The following MTUS2 variants were observed in gnomAD, a reference collection of about 807,000 sequenced individuals.
The protein encoded by MTUS2 is microtubule associated scaffold protein 2, also known as microtubule-associated tumor suppressor candidate 2.
MTUS2 carries 40 observed loss-of-function variants against 114.1 expected under a neutral mutation model. That is an observed-to-expected ratio of 0.35 (90% confidence interval 0.27 to 0.46). The LOEUF (loss-of-function observed/expected upper bound fraction) is 0.46. Among genes scored for constraint, MTUS2 ranks in the 20% least tolerant of loss-of-function variants. MTUS2 has a pLI of 1.00. For missense variants in MTUS2, 1,679 were observed against 1,705.4 expected (o/e 0.98, Z 0.27); for synonymous variants, 688 against 672.0 (o/e 1.02, Z -0.37).
intron 2 of MTUS2, among the ~76,000 whole-genome samples, chr13:28,929,000 C>T (rs1260477819): frequency 6.6e-6 from 1 of 152,174 alleles, no homozygotes; most frequent in African/African-American, 2.4e-5. Flanking sequence ...GAAACAAATC[C>T]TGTTATTTGT....
intron 5 of MTUS2, among the ~76,000 whole-genome samples, chr13:29,152,320 A>G (rs1892693140): frequency 6.6e-6 from 1 of 152,210 alleles, no homozygotes; most frequent in South Asian, 2.1e-4. Flanking sequence ...TAATATGTGG[A>G]GTAAAACTAC....
intron 10 of MTUS2, among the ~76,000 whole-genome samples, chr13:29,483,569 G>T (rs1029040414): frequency 1.6e-4 from 24 of 152,198 alleles, no homozygotes; most frequent in African/African-American, 5.5e-4. Flanking sequence ...GGGAATTTCT[G>T]TGTACAGCCA....
At chr13:29,007,993 T>C (rs1885673733) in intron 2 of MTUS2, among the ~76,000 whole-genome samples, 1 of 152,198 alleles carries the variant, frequency 6.6e-6, no homozygotes. Flanking sequence ...GATATTCTTA[T>C]TAGTGTACCA....
At chr13:28,904,156 A>AT (rs1879828857) in intron 2 of MTUS2, among the ~76,000 whole-genome samples, 1 of 152,112 alleles carries the variant, frequency 6.6e-6, no homozygotes, top group South Asian at 2.1e-4. Flanking sequence ...GATTCTGGAT[A>AT]TTAGCCCTTT....
At chr13:28,987,185 A>G (rs1884625981) in intron 2 of MTUS2, among the ~76,000 whole-genome samples, 1 of 152,208 alleles carries the variant, frequency 6.6e-6, no homozygotes, top group South Asian at 2.1e-4. Context: ...GTCAGCCTAC[A>G]GGTGGTAGTG....
chr13:29,333,591 A>T (rs1180139792), intron 7 of MTUS2, among the ~76,000 whole-genome samples: 1 of 152,168 alleles, frequency 6.6e-6, no homozygotes, highest in Non-Finnish European at 1.5e-5. Flanking sequence ...TTTTCTGAGG[A>T]GTTTTTTACT....
chr13:29,306,868 G>A (rs1459008321), intron 6 of MTUS2: 3 of 494,994 alleles, frequency 6.1e-6, no homozygotes, highest in Admixed American at 2.1e-5. Context: ...AGTAGATATT[G>A]TGGCCATCAG....
intron 2 of MTUS2, among the ~76,000 whole-genome samples, chr13:28,960,523 A>G (rs947916829): frequency 1.3e-5 from 2 of 152,256 alleles, no homozygotes; most frequent in Non-Finnish European, 2.9e-5. Flanking sequence ...ATTCAGCCAT[A>G]AAAAATGAGG....
intron 2 of MTUS2, among the ~76,000 whole-genome samples, chr13:29,009,310 A>G (rs1593379076): frequency 1.3e-5 from 2 of 152,000 alleles, no homozygotes; most frequent in East Asian, 1.9e-4. Flanking sequence ...CTATTGGTAC[A>G]TGTGACAATA....
intron 7 of MTUS2, among the ~76,000 whole-genome samples, chr13:29,353,796 G>C (rs1190905289): frequency 6.6e-6 from 1 of 152,122 alleles, no homozygotes; most frequent in Non-Finnish European, 1.5e-5. Flanking sequence ...GGTGTTCCAC[G>C]CTGGCTGCTG....
rs536557720 is a variant in MTUS2, at chr13:29,385,461, C to T, written c.3117+25988C>T. 3.9e-5 allele frequency among the ~76,000 whole-genome samples: 6 copies of T among 152,304 alleles called. No homozygotes were observed. In the East Asian group the frequency reaches 5.8e-4, roughly 15 times the overall value. On this transcript the variant is annotated intron_variant, in intron 8 of 15. Coordinates refer to ENST00000612955, the MANE Select transcript of MTUS2 (RefSeq NM_001033602.4). ...GGTCCATGGAAGGAAGCAATTAGAA[C>T]GCTCCATAAACCTTTTCTTAGGTGT...
intron 2 of MTUS2, among the ~76,000 whole-genome samples, chr13:28,846,479 CT>C: frequency 6.6e-6 from 1 of 151,964 alleles, no homozygotes; most frequent in East Asian, 1.9e-4. Flanking sequence ...CTGTGTGTGT[CT>C]TTTAAATGTT....
chr13:29,171,910 T>C (rs73447209), intron 5 of MTUS2, among the ~76,000 whole-genome samples: 3,805 of 152,262 alleles, frequency 0.025, 152 homozygotes, highest in African/African-American at 0.086. Context: ...GTATGCACAC[T>C]ATAGTTCTAC....
chr13:29,473,018 C>A (rs1043973726), intron 9 of MTUS2, among the ~76,000 whole-genome samples: 2 of 152,110 alleles, frequency 1.3e-5, no homozygotes, highest in African/African-American at 4.8e-5. Flanking sequence ...ACAACTTAAT[C>A]TTTTATCTAA....
At chr13:28,976,217 AAAAAAAAGAAAAG>A (rs1211183263) in intron 2 of MTUS2, among the ~76,000 whole-genome samples, 2 of 127,646 alleles carry the variant, frequency 1.6e-5, no homozygotes, top group East Asian at 3.7e-4. Flanking sequence ...AAAAAAAAAA[AAAAAAAAGAAAAG>A]AAGAAAAAAA....
chr13:29,501,306 T>C (rs1329839535), intron 15 of MTUS2, 112 bp downstream of exon 15: 2 of 794,568 alleles, frequency 2.5e-6, no homozygotes, highest in African/African-American at 3.5e-5. Flanking sequence ...AGTCTCTTGC[T>C]GTTTTCCCCA....
chr13:29,415,916 A>T (rs1215777923), intron 8 of MTUS2, among the ~76,000 whole-genome samples: 1 of 151,204 alleles, frequency 6.6e-6, no homozygotes, highest in Admixed American at 6.6e-5. Context: ...AGCTTGCCAG[A>T]TTTTATTTTA....
intron 5 of MTUS2, among the ~76,000 whole-genome samples, chr13:29,103,977 C>G (rs1890543680): frequency 6.6e-6 from 1 of 152,104 alleles, no homozygotes; most frequent in Non-Finnish European, 1.5e-5. Flanking sequence ...CTTGCTGTTT[C>G]CCTGGGTCCT....
intron 2 of MTUS2, among the ~76,000 whole-genome samples, chr13:28,991,277 G>A (rs1884839015): frequency 6.6e-6 from 1 of 152,070 alleles, no homozygotes; most frequent in African/African-American, 2.4e-5. Context: ...ATGTGTGTAG[G>A]TTAGACTTGT....
Sources: allele counts gnomAD v4.1 joint callset (sites outside exome capture counted in the v4.1 genomes callset), GRCh38; gene constraint gnomAD v4.1.1; transcripts MANE v1.5; gene names NCBI Gene and HGNC (gene_info 2026-07-23, HGNC 2026-07-21).